NPAS3: variants seen among roughly 807,000 people sequenced by gnomAD.
NPAS3 encodes the protein neuronal PAS domain-containing protein 3.
NPAS3 carries 14 observed loss-of-function variants against 73.1 expected under a neutral mutation model. The ratio of observed to expected loss-of-function variants is 0.19; its 90% CI spans 0.13 to 0.30. The LOEUF (loss-of-function observed/expected upper bound fraction) is 0.30. Ranked by LOEUF, NPAS3 falls within the 10% of genes least tolerant of loss-of-function variation. The pLI, the probability that NPAS3 is intolerant of heterozygous loss-of-function variation, is 1.00. For synonymous variants in NPAS3, 620 were observed against 541.5 expected (o/e 1.14, Z -2.01); for missense variants, 1,096 against 1,250.0 (o/e 0.88, Z 1.86).
intron 2 of NPAS3, among the ~76,000 whole-genome samples, chr14:33,147,732 T>A (rs201079007): frequency 0.31 from 37,415 of 119,978 alleles, 5,855 homozygotes; most frequent in East Asian, 0.52. Flanking sequence ...GAATAAAAAA[T>A]ATATATATAT....
At chr14:33,119,040 T>A (rs2043150815) in intron 2 of NPAS3, among the ~76,000 whole-genome samples, 1 of 151,928 alleles carries the variant, frequency 6.6e-6, no homozygotes, top group Admixed American at 6.6e-5. Context: ...AAAAGAACAT[T>A]TTTTTTCCAG....
At chr14:33,727,538 G>T (rs1188145657) in intron 6 of NPAS3, among the ~76,000 whole-genome samples, 1 of 151,670 alleles carries the variant, frequency 6.6e-6, no homozygotes, top group East Asian at 1.9e-4. Flanking sequence ...AGGTGTTTAT[G>T]TATTGTTATT....
intron 3 of NPAS3, among the ~76,000 whole-genome samples, chr14:33,342,003 T>C (rs1301558844): frequency 6.6e-6 from 1 of 152,198 alleles, no homozygotes; most frequent in Admixed American, 6.5e-5. Context: ...CACGATGCCC[T>C]GGGAGACAAG....
chr14:32,954,867 A>G (rs554768492), intron 1 of NPAS3, among the ~76,000 whole-genome samples: 3 of 152,304 alleles, frequency 2.0e-5, no homozygotes, highest in Non-Finnish European at 4.4e-5. Context: ...GCCTAGCATA[A>G]TGGTGAGGTG....
intron 2 of NPAS3, among the ~76,000 whole-genome samples, chr14:33,155,177 G>T (rs1300707145): frequency 6.6e-6 from 1 of 152,184 alleles, no homozygotes; most frequent in Non-Finnish European, 1.5e-5. Flanking sequence ...CCAAGTGTCA[G>T]CTGTGATAAT....
At chr14:33,183,183 T>C (rs2045855715) in intron 2 of NPAS3, among the ~76,000 whole-genome samples, 1 of 152,164 alleles carries the variant, frequency 6.6e-6, no homozygotes, top group Non-Finnish European at 1.5e-5. Flanking sequence ...CCCAGCACTT[T>C]TGGAGGCCGA....
chr14:33,193,642 C>T (rs914010387), intron 2 of NPAS3, among the ~76,000 whole-genome samples: 2 of 152,174 alleles, frequency 1.3e-5, no homozygotes, highest in African/African-American at 4.8e-5. Flanking sequence ...AGGCTCTGCT[C>T]CTCTAACTTT....
intron 4 of NPAS3, among the ~76,000 whole-genome samples, chr14:33,489,246 C>T (rs893178425): frequency 2.6e-5 from 4 of 152,012 alleles, no homozygotes; most frequent in Non-Finnish European, 5.9e-5. Flanking sequence ...GGATTGACTC[C>T]GAAGGAAAGT....
intron 2 of NPAS3, among the ~76,000 whole-genome samples, chr14:33,158,711 G>A (rs1003385225): frequency 3.9e-5 from 6 of 152,184 alleles, no homozygotes; most frequent in African/African-American, 1.4e-4. Context: ...GAAACAGCTA[G>A]TGCAAAGGCC....
intron 7 of NPAS3, among the ~76,000 whole-genome samples, chr14:33,752,667 C>T (rs2061997789): frequency 6.6e-6 from 1 of 152,160 alleles, no homozygotes. Flanking sequence ...AACTCACAGA[C>T]GAGCTTTCGA....
intron 3 of NPAS3, among the ~76,000 whole-genome samples, chr14:33,270,378 G>A (rs2041015671): frequency 6.6e-6 from 1 of 152,176 alleles, no homozygotes; most frequent in Non-Finnish European, 1.5e-5. Context: ...AATACTCTGA[G>A]AGAATAGAAG....
At chr14:33,207,460 A>G (rs745812335) in intron 2 of NPAS3, among the ~76,000 whole-genome samples, 1 of 152,192 alleles carries the variant, frequency 6.6e-6, no homozygotes, top group Non-Finnish European at 1.5e-5. Context: ...AGAATAGTCC[A>G]AATTGTAAAC....
chr14:33,247,295 C>T (rs1290926923), intron 3 of NPAS3, among the ~76,000 whole-genome samples: 1 of 152,098 alleles, frequency 6.6e-6, no homozygotes, highest in Non-Finnish European at 1.5e-5. Context: ...CTGATTTTGA[C>T]TCTTTGGGGA....
At chr14:33,605,955 T>C (rs1327943901) in intron 5 of NPAS3, among the ~76,000 whole-genome samples, 2 of 152,162 alleles carry the variant, frequency 1.3e-5, no homozygotes, top group African/African-American at 2.4e-5. Context: ...ACTGACACTA[T>C]CTAATTTCAA....
At chr14:33,296,789 T>G in intron 3 of NPAS3, among the ~76,000 whole-genome samples, 1 of 152,208 alleles carries the variant, frequency 6.6e-6, no homozygotes, top group East Asian at 1.9e-4. Context: ...TCAAGAATTT[T>G]ATTAGTCCGG....
intron 3 of NPAS3, among the ~76,000 whole-genome samples, chr14:33,359,209 C>T (rs976709710): frequency 1.3e-5 from 2 of 152,114 alleles, no homozygotes; most frequent in African/African-American, 4.8e-5. Context: ...TTCTTTCTCC[C>T]ACAGAAACAT....
chr14:33,284,932 G>C (rs116327395), intron 3 of NPAS3, among the ~76,000 whole-genome samples: 160 of 152,244 alleles, frequency 1.1e-3, no homozygotes, highest in African/African-American at 3.6e-3. Flanking sequence ...ACAGAGGTCA[G>C]ATGTGTCCTA....
At chr14:33,392,972 A>G (rs755822175) in intron 4 of NPAS3, among the ~76,000 whole-genome samples, 1 of 152,116 alleles carries the variant, frequency 6.6e-6, no homozygotes, top group Non-Finnish European at 1.5e-5. Flanking sequence ...TGCTGGGGTG[A>G]GCTCTTCCCA....
intron 2 of NPAS3, among the ~76,000 whole-genome samples, chr14:33,168,155 A>G (rs1188689880): frequency 6.6e-6 from 1 of 152,158 alleles, no homozygotes; most frequent in Non-Finnish European, 1.5e-5. Flanking sequence ...CTCAGCTTGG[A>G]CTCACAGGCT....
Sources: gnomAD v4.1 joint callset for allele counts (sites outside exome capture counted in the v4.1 genomes callset) on GRCh38, gnomAD v4.1.1 for gene constraint, MANE v1.5 for transcripts, NCBI Gene and HGNC (gene_info 2026-07-23, HGNC 2026-07-21) for gene names.